The following R3HDM2 variants were observed in gnomAD, a reference collection of about 807,000 sequenced individuals.
R3HDM2 encodes R3H domain containing 2.
In R3HDM2, 38 loss-of-function variants were observed where a neutral mutation model predicts 124.5. The ratio of observed to expected loss-of-function variants is 0.31; its 90% CI spans 0.24 to 0.40. The LOEUF is 0.40. R3HDM2 is among the 10% of genes least tolerant of loss of function. The pLI, the probability that R3HDM2 is intolerant of heterozygous loss-of-function variation, is 1.00. For missense variants in R3HDM2, 869 were observed against 1,236.9 expected, an observed-to-expected ratio of 0.70 and a Z score of 4.46; for synonymous variants, 391 against 448.0, an observed-to-expected ratio of 0.87 and a Z score of 1.61.
At chr12:57,313,485 GC>G (rs1009456399) in intron 2 of R3HDM2, among the ~76,000 whole-genome samples, 2 of 151,370 alleles carry the variant, frequency 1.3e-5, no homozygotes, top group African/African-American at 4.9e-5. Context: ...GATCACTTGA[GC>G]CCAGGAGGTC....
intron 2 of R3HDM2, among the ~76,000 whole-genome samples, chr12:57,352,241 C>CAA (rs776229504): frequency 4.8e-3 from 226 of 47,370 alleles, no homozygotes; most frequent in Middle Eastern, 0.019. Flanking sequence ...GACTCCATCT[C>CAA]AAAAAAAAAA....
chr12:57,320,714 A>AT (rs1175285644), intron 2 of R3HDM2, among the ~76,000 whole-genome samples: 6 of 151,942 alleles, frequency 3.9e-5, no homozygotes, highest in Admixed American at 6.6e-5. Flanking sequence ...ATTCCCTATA[A>AT]TTTTTTTTAC....
chr12:57,313,882 GAAAAAAAAAAA>G (rs869177467), intron 2 of R3HDM2, among the ~76,000 whole-genome samples: 5 of 60,492 alleles, frequency 8.3e-5, no homozygotes, highest in South Asian at 5.1e-4. Flanking sequence ...TCCTGTCTCT[GAAAAAAAAAAA>G]AAAAAAAAAA....
chr12:57,337,538 T>G (rs1484542196), intron 2 of R3HDM2, among the ~76,000 whole-genome samples: 1 of 152,110 alleles, frequency 6.6e-6, no homozygotes, highest in Non-Finnish European at 1.5e-5. Flanking sequence ...ATTAAAGCAT[T>G]TTTTTAAGTC....
chr12:57,260,965 C>T (rs2040658963), intron 19 of R3HDM2, among the ~76,000 whole-genome samples: 1 of 152,162 alleles, frequency 6.6e-6, no homozygotes, highest in African/African-American at 2.4e-5. Context: ...CCCTGACCCT[C>T]TAGGGTTCAT....
chr12:57,303,911 T>A (rs767020969), intron 3 of R3HDM2, among the ~76,000 whole-genome samples: 7 of 152,240 alleles, frequency 4.6e-5, no homozygotes, highest in Admixed American at 2.0e-4. Context: ...TTATTTAGGA[T>A]GCTTCTGCAA....
chr12:57,425,595 T>C (rs1024745207), intron 1 of R3HDM2, among the ~76,000 whole-genome samples: 8 of 151,210 alleles, frequency 5.3e-5, no homozygotes, highest in Admixed American at 5.3e-4. Context: ...AGGTCAGGAG[T>C]CCAAGACCAG....
intron 18 of R3HDM2, among the ~76,000 whole-genome samples, chr12:57,267,181 C>A (rs1410131250): frequency 6.6e-6 from 1 of 151,398 alleles, no homozygotes; most frequent in Admixed American, 6.6e-5. Flanking sequence ...GAGAGTGTCA[C>A]AGACACAGAC....
chr12:57,316,221 G>A (rs1401766094), intron 2 of R3HDM2, among the ~76,000 whole-genome samples: 2 of 152,186 alleles, frequency 1.3e-5, no homozygotes, highest in Non-Finnish European at 2.9e-5. Context: ...AGACTTCCCT[G>A]TTCTTCCACA....
At chr12:57,355,199 T>G (rs1383957400) in intron 2 of R3HDM2, among the ~76,000 whole-genome samples, 1 of 151,840 alleles carries the variant, frequency 6.6e-6, no homozygotes, top group Non-Finnish European at 1.5e-5. Flanking sequence ...GGCTCATGCC[T>G]GTAATCCCAG....
At chr12:57,286,102 T>G (rs1322745015) in intron 12 of R3HDM2, among the ~76,000 whole-genome samples, 5 of 152,230 alleles carry the variant, frequency 3.3e-5, no homozygotes, top group Non-Finnish European at 5.9e-5. Context: ...GATTCAATTT[T>G]GAGCACTGGA....
chr12:57,404,002 A>G (rs1395464631), intron 1 of R3HDM2, among the ~76,000 whole-genome samples: 3 of 151,500 alleles, frequency 2.0e-5, no homozygotes, highest in Non-Finnish European at 4.4e-5. Context: ...CCATGTGCTT[A>G]CTTTGGCAGC....
At position 57,280,454 on chromosome 12, in the gene R3HDM2, A is replaced by C; in HGVS notation, c.1248T>G (p.Thr416=). ...SQSVRGLLPC[T]AQQQQQQQQQ... Reference sequence around the variant, plus strand: ...GCTGCTGCTGCTGTTGCTGCTGGGCAGTACAAGGGAGAAGCCCCCGGACAG... The same window carrying C: ...GCTGCTGCTGCTGTTGCTGCTGGGCCGTACAAGGGAGAAGCCCCCGGACAG... The change falls in exon 14 of 24, where the codon ACT becomes ACG. Residue 416 remains threonine (T), a synonymous_variant. Transcript: ENST00000402412. 1 of 1,614,150 alleles carries C rather than the reference A, an allele frequency of 6.2e-7. No homozygotes were observed. Among genetic ancestry groups the C allele is most frequent in the Non-Finnish European group, 8.5e-7 (1 of 1,179,978 alleles).
chr12:57,352,109 A>G (rs916129099), intron 2 of R3HDM2, among the ~76,000 whole-genome samples: 8 of 152,030 alleles, frequency 5.3e-5, no homozygotes, highest in Non-Finnish European at 8.8e-5. Context: ...AGGAAATACA[A>G]TAATTAACAA....
chr12:57,320,261 CAAAAAAAAAAAA>C lies in R3HDM2; in HGVS notation c.-35-9810_-35-9799del, dbSNP rs56207989. On this transcript the variant is annotated intron_variant, in intron 2 of 23. Coordinates refer to ENST00000402412, the MANE Select transcript of R3HDM2 (RefSeq NM_001394031.1). ...GGGCAACAAGAGTGCAACTCTATCTCAAAAAAAAAAAAAAAAAAAAAAAAAAAGCCTTAAACA... is the reference window on the plus strand; with the variant it reads ...GGGCAACAAGAGTGCAACTCTATCTCAAAAAAAAAAAAAAAGCCTTAAACA... 8.8e-3 allele frequency among the ~76,000 whole-genome samples: 126 copies of C among 14,288 alleles called. 5 individuals carry two copies. Among genetic ancestry groups the C allele is most frequent in the Middle Eastern group, 0.25 (2 of 8 alleles). The allele number at this position is 14,288 out of a possible 152,430, so 9.4% of individuals were successfully genotyped here. A position where few individuals can be genotyped will look rare whatever the true frequency, so the allele number is the denominator to read the frequency against.
intron 1 of R3HDM2, among the ~76,000 whole-genome samples, chr12:57,428,837 C>G (rs1868764439): frequency 6.6e-6 from 1 of 151,456 alleles, no homozygotes; most frequent in South Asian, 2.1e-4. Context: ...AAATCCGCCT[C>G]CTGGGTTCAA....
chr12:57,360,026 C>T (rs7968814), intron 2 of R3HDM2, among the ~76,000 whole-genome samples: 48,612 of 93,784 alleles, frequency 0.52, 10,253 homozygotes, highest in South Asian at 0.61. Context: ...TATATATACA[C>T]ACATATATAT....
intron 3 of R3HDM2, among the ~76,000 whole-genome samples, chr12:57,304,127 C>A (rs942163939): frequency 6.6e-6 from 1 of 152,034 alleles, no homozygotes; most frequent in African/African-American, 2.4e-5. Context: ...AGTCTTCTTC[C>A]CAAATGCCTC....
At chr12:57,416,594 C>T (rs1018451316) in intron 1 of R3HDM2, among the ~76,000 whole-genome samples, 1 of 152,100 alleles carries the variant, frequency 6.6e-6, no homozygotes, top group Non-Finnish European at 1.5e-5. Flanking sequence ...CTGATTCAGC[C>T]CCAGGAGTTC....
Sources: gnomAD v4.1 joint callset for allele counts (sites outside exome capture counted in the v4.1 genomes callset) on GRCh38, gnomAD v4.1.1 for gene constraint, MANE v1.5 for transcripts, NCBI Gene and HGNC (gene_info 2026-07-23, HGNC 2026-07-21) for gene names.